The following GRID2 variants were observed in gnomAD, a reference collection of about 807,000 sequenced individuals.
The protein encoded by GRID2 is glutamate ionotropic receptor delta type subunit 2.
In GRID2, 33 loss-of-function variants were observed where a neutral mutation model predicts 114.8. The ratio of observed to expected loss-of-function variants is 0.29; its 90% CI spans 0.22 to 0.38. The LOEUF (loss-of-function observed/expected upper bound fraction) is 0.38, where lower values mean the gene tolerates loss of function less well. GRID2 is among the 10% of genes least tolerant of loss of function. GRID2 has a pLI of 1.00. For synonymous variants in GRID2, 505 were observed against 449.9 expected, an observed-to-expected ratio of 1.12 and a Z score of -1.55; for missense variants, 1,184 against 1,257.7, an observed-to-expected ratio of 0.94 and a Z score of 0.89.
At chr4:92,710,161 C>A (rs191230063) in intron 2 of GRID2, among the ~76,000 whole-genome samples, 4 of 152,168 alleles carry the variant, frequency 2.6e-5, no homozygotes, top group East Asian at 1.9e-4. Context: ...TGATGCCATA[C>A]CAATTATCAA....
intron 14 of GRID2, among the ~76,000 whole-genome samples, chr4:93,707,312 G>A (rs1728090435): frequency 6.6e-6 from 1 of 152,098 alleles, no homozygotes; most frequent in African/African-American, 2.4e-5. Flanking sequence ...ATAAAATTCA[G>A]CTGTGAAGTC....
At chr4:92,431,039 A>G (rs1732415402) in intron 1 of GRID2, among the ~76,000 whole-genome samples, 1 of 152,176 alleles carries the variant, frequency 6.6e-6, no homozygotes, top group Non-Finnish European at 1.5e-5. Context: ...ATGAGATCAT[A>G]TAAGCTGAAA....
At chr4:92,659,901 G>A (rs1400996915) in intron 2 of GRID2, among the ~76,000 whole-genome samples, 1 of 151,376 alleles carries the variant, frequency 6.6e-6, no homozygotes, top group Non-Finnish European at 1.5e-5. Context: ...TCTTTCCTCG[G>A]ATAACGTGCA....
chr4:93,096,379 T>C (rs1288559318), intron 3 of GRID2, among the ~76,000 whole-genome samples: 1 of 152,002 alleles, frequency 6.6e-6, no homozygotes, highest in African/African-American at 2.4e-5. Flanking sequence ...CTCATTAACA[T>C]ACAACATTAA....
At chr4:93,157,677 T>C (rs2149403925) in intron 4 of GRID2, among the ~76,000 whole-genome samples, 1 of 151,878 alleles carries the variant, frequency 6.6e-6, no homozygotes. Context: ...AAAGGAAGTA[T>C]GTTCACCTTA....
intron 4 of GRID2, among the ~76,000 whole-genome samples, chr4:93,111,642 C>T (rs1732771766): frequency 6.6e-6 from 1 of 151,816 alleles, no homozygotes; most frequent in South Asian, 2.1e-4. Context: ...TGCCCCACTT[C>T]AAGTTTTTAA....
At chr4:93,138,543 A>G (rs757071232) in intron 4 of GRID2, among the ~76,000 whole-genome samples, 1 of 152,130 alleles carries the variant, frequency 6.6e-6, no homozygotes, top group Non-Finnish European at 1.5e-5. Flanking sequence ...CTATTGTCAA[A>G]TTGACTCATT....
chr4:93,081,032 A>G (rs1160116797), intron 2 of GRID2, among the ~76,000 whole-genome samples: 1 of 152,162 alleles, frequency 6.6e-6, no homozygotes, highest in Non-Finnish European at 1.5e-5. Context: ...CATGACCCAA[A>G]CACATCACAT....
intron 2 of GRID2, among the ~76,000 whole-genome samples, chr4:92,636,027 G>A (rs1414368989): frequency 2.0e-5 from 3 of 152,058 alleles, no homozygotes; most frequent in Non-Finnish European, 4.4e-5. Flanking sequence ...AAATTGGACA[G>A]GCTGCCTGTC....
intron 8 of GRID2, among the ~76,000 whole-genome samples, chr4:93,342,497 T>A (rs1759772046): frequency 6.6e-6 from 1 of 152,214 alleles, no homozygotes. Context: ...TTAATCATAC[T>A]CTTCACAATT....
intron 2 of GRID2, among the ~76,000 whole-genome samples, chr4:92,732,401 G>T (rs2149325300): frequency 6.6e-6 from 1 of 152,012 alleles, no homozygotes; most frequent in Admixed American, 6.6e-5. Flanking sequence ...TGTGAACATA[G>T]TATGTGCTAG....
chr4:93,793,801 G>T (rs958155012), intron 1 of GRID2, among the ~76,000 whole-genome samples: 16 of 152,148 alleles, frequency 1.1e-4, no homozygotes, highest in Non-Finnish European at 2.9e-5. Context: ...TATGCAAACA[G>T]AAAATATGAT....
intron 2 of GRID2, among the ~76,000 whole-genome samples, chr4:92,880,890 T>TTTTTG (rs772762358): frequency 4.6e-4 from 70 of 151,580 alleles, no homozygotes; most frequent in Admixed American, 1.6e-3. Context: ...CCCGGGTAGT[T>TTTTTG]TTTTGTTTTG....
chr4:92,955,363 C>G (rs1045767925), intron 2 of GRID2, among the ~76,000 whole-genome samples: 3 of 152,104 alleles, frequency 2.0e-5, no homozygotes, highest in Non-Finnish European at 4.4e-5. Flanking sequence ...TCTCTGATGG[C>G]CAGTGATGAT....
At chr4:92,697,464 C>A (rs1359615909) in intron 2 of GRID2, among the ~76,000 whole-genome samples, 1 of 152,096 alleles carries the variant, frequency 6.6e-6, no homozygotes, top group Non-Finnish European at 1.5e-5. Context: ...AAAGACTCTG[C>A]ACAGCAAACT....
chr4:92,591,055 G>T (rs1344087837), intron 2 of GRID2, among the ~76,000 whole-genome samples: 3 of 152,136 alleles, frequency 2.0e-5, no homozygotes, highest in Non-Finnish European at 4.4e-5. Context: ...CTGAATGTTT[G>T]TGTCCCCTCC....
chr4:93,388,750 C>T (rs1764568296), intron 8 of GRID2, among the ~76,000 whole-genome samples: 1 of 152,084 alleles, frequency 6.6e-6, no homozygotes, highest in African/African-American at 2.4e-5. Context: ...TTAGCTTCGG[C>T]TAGGATGGTA....
At chr4:93,451,408 A>G (rs1334522673) in intron 10 of GRID2, among the ~76,000 whole-genome samples, 1 of 152,096 alleles carries the variant, frequency 6.6e-6, no homozygotes, top group Non-Finnish European at 1.5e-5. Context: ...AAGTTTCAGG[A>G]GGGTCAATCC....
At chr4:92,556,493 A>T (rs1224751107) in intron 1 of GRID2, among the ~76,000 whole-genome samples, 1 of 152,094 alleles carries the variant, frequency 6.6e-6, no homozygotes, top group African/African-American at 2.4e-5. Flanking sequence ...GTATTAGTTA[A>T]CTACTGTTAT....
Sources: allele counts gnomAD v4.1 joint callset (sites outside exome capture counted in the v4.1 genomes callset), GRCh38; gene constraint gnomAD v4.1.1; transcripts MANE v1.5; gene names NCBI Gene and HGNC (gene_info 2026-07-23, HGNC 2026-07-21).